Variants in NAALADL2 observed in about 807,000 individuals in gnomAD.
NAALADL2 encodes the protein inactive N-acetylated-alpha-linked acidic dipeptidase-like protein 2.
NAALADL2 carries 76 observed loss-of-function variants against 87.2 expected under a neutral mutation model. That is an observed-to-expected ratio of 0.87 (90% CI 0.72 to 1.05). The LOEUF (loss-of-function observed/expected upper bound fraction) is 1.05, where lower values mean the gene tolerates loss of function less well. NAALADL2 is among the 50% of genes least tolerant of loss of function. The probability of loss-of-function intolerance (pLI) is 0.00; values close to 1 mark genes in which losing one functional copy is unlikely to be tolerated. For synonymous variants in NAALADL2, 354 were observed against 331.0 expected (o/e 1.07, Z -0.75); for missense variants, 1,089 against 945.8 (o/e 1.15, Z -1.99).
chr3:175,390,319 T>C (rs1768924776), intron 5 of NAALADL2, among the ~76,000 whole-genome samples: 1 of 152,184 alleles, frequency 6.6e-6, no homozygotes, highest in South Asian at 2.1e-4. Flanking sequence ...AAATTACCTC[T>C]GGCCATTCTA....
chr3:175,628,613 C>CTATATATATA (rs1560878147), intron 11 of NAALADL2, among the ~76,000 whole-genome samples: 1 of 132,256 alleles, frequency 7.6e-6, no homozygotes, highest in African/African-American at 2.9e-5. Flanking sequence ...ATCTCTCTCT[C>CTATATATATA]TATGTATATA....
intron 2 of NAALADL2, among the ~76,000 whole-genome samples, chr3:175,205,017 G>T (rs865845291): frequency 2.0e-4 from 31 of 152,088 alleles, no homozygotes; most frequent in African/African-American, 7.0e-4. Flanking sequence ...TTGTAAAAAT[G>T]ATCATACTGC....
intron 5 of NAALADL2, among the ~76,000 whole-genome samples, chr3:175,444,500 T>C (rs1482634578): frequency 6.6e-6 from 1 of 152,186 alleles, no homozygotes; most frequent in Non-Finnish European, 1.5e-5. Flanking sequence ...GTTGTACAAC[T>C]ATTAGCATTC....
At chr3:175,454,888 C>T (rs1722097528) in intron 6 of NAALADL2, among the ~76,000 whole-genome samples, 1 of 151,532 alleles carries the variant, frequency 6.6e-6, no homozygotes, top group Admixed American at 6.6e-5. Context: ...AGGTTTGCAT[C>T]AAGAAAAAAA....
intron 10 of NAALADL2, among the ~76,000 whole-genome samples, chr3:175,591,706 C>T (rs1721472905): frequency 6.6e-6 from 1 of 150,560 alleles, no homozygotes; most frequent in African/African-American, 2.4e-5. Flanking sequence ...AACTGAGTGA[C>T]TCATTTAACA....
At chr3:174,441,514 C>A (rs550185300) in intron 1 of NAALADL2, among the ~76,000 whole-genome samples, 2 of 152,058 alleles carry the variant, frequency 1.3e-5, no homozygotes, top group African/African-American at 4.8e-5. Context: ...AAATGGCGCG[C>A]AGCACAGTTC....
chr3:174,567,108 G>C (rs1458040483), intron 2 of NAALADL2, among the ~76,000 whole-genome samples: 2 of 151,546 alleles, frequency 1.3e-5, no homozygotes, highest in African/African-American at 2.4e-5. Flanking sequence ...ATCCATATCA[G>C]GGAGAGGTTA....
intron 10 of NAALADL2, among the ~76,000 whole-genome samples, chr3:175,578,654 G>T (rs142318062): frequency 6.6e-6 from 1 of 152,150 alleles, no homozygotes; most frequent in African/African-American, 2.4e-5. Flanking sequence ...TTAATAAATG[G>T]CCAAGACAGA....
At chr3:174,909,177 T>A (rs1237757711) in intron 1 of NAALADL2, among the ~76,000 whole-genome samples, 1 of 152,022 alleles carries the variant, frequency 6.6e-6, no homozygotes, top group Non-Finnish European at 1.5e-5. Flanking sequence ...TCACCTCACC[T>A]GAGGTCAGGA....
chr3:175,763,564 GAACAGA>G (rs1451479687), intron 13 of NAALADL2, among the ~76,000 whole-genome samples: 3 of 152,070 alleles, frequency 2.0e-5, no homozygotes, highest in African/African-American at 7.2e-5. Flanking sequence ...GGACTAAACT[GAACAGA>G]AACAGAAAGA....
chr3:175,566,898 C>T lies in NAALADL2; in HGVS notation c.1654-9143C>T, dbSNP rs1190962578. On this transcript the variant is annotated intron_variant, in intron 9 of 13. Coordinates refer to ENST00000454872, the MANE Select transcript of NAALADL2 (RefSeq NM_207015.3). Reference sequence around the variant, plus strand: ...GTCATACAGAAAAGTTATAATTTTACGTAGTAGGACTAATTAATCTTTTTT... The same window carrying T: ...GTCATACAGAAAAGTTATAATTTTATGTAGTAGGACTAATTAATCTTTTTT... Among the ~76,000 whole-genome samples the T allele has an allele frequency of 6.6e-5, 10 of 152,120 alleles. No individual in the cohort carries two copies. The East Asian group carries it at 1.4e-3, about 21-fold the overall frequency.
At chr3:175,258,324 CAAAA>C (rs1287997792) in intron 4 of NAALADL2, among the ~76,000 whole-genome samples, 7 of 100,700 alleles carry the variant, frequency 7.0e-5, no homozygotes, top group African/African-American at 1.4e-4. Context: ...CCCCCACCAC[CAAAA>C]AAAAAAAAAA....
intron 1 of NAALADL2, among the ~76,000 whole-genome samples, chr3:174,890,001 G>A (rs954223004): frequency 4.6e-5 from 7 of 152,100 alleles, no homozygotes; most frequent in African/African-American, 9.7e-5. Flanking sequence ...AGAGAAGTTC[G>A]CTGTAGTACG....
chr3:174,490,168 T>A (rs1718094980), intron 1 of NAALADL2, among the ~76,000 whole-genome samples: 1 of 152,060 alleles, frequency 6.6e-6, no homozygotes, highest in African/African-American at 2.4e-5. Flanking sequence ...CATCAACTGA[T>A]GAATGCAAGG....
At chr3:175,026,176 A>G (rs1041945291) in intron 1 of NAALADL2, among the ~76,000 whole-genome samples, 20 of 152,144 alleles carry the variant, frequency 1.3e-4, no homozygotes, top group African/African-American at 3.4e-4. Context: ...GTACTAAAGA[A>G]GTGCTAGATT....
chr3:175,527,760 T>A (rs1733603573), intron 9 of NAALADL2, among the ~76,000 whole-genome samples: 2 of 152,214 alleles, frequency 1.3e-5, no homozygotes, highest in Non-Finnish European at 2.9e-5. Flanking sequence ...ATATTATGCT[T>A]CTAATAGATT....
intron 5 of NAALADL2, among the ~76,000 whole-genome samples, chr3:175,434,761 T>C (rs760343349): frequency 2.0e-5 from 3 of 152,022 alleles, no homozygotes; most frequent in African/African-American, 7.2e-5. Context: ...AAGTAAGAGA[T>C]GGAAAGCTTC....
chr3:175,740,682 C>A lies in NAALADL2; in HGVS notation c.1990+3283C>A, dbSNP rs116714226. Among the ~76,000 whole-genome samples the A allele has an allele frequency of 1.5e-4, 23 of 152,272 alleles. No homozygotes were observed. In the South Asian group the frequency reaches 4.6e-3, roughly 30 times the overall value. ...TTTATCACAAACCCTTATAGCAGAG[C>A]GCATCTCCCCATGATCTTTTTTATC... On this transcript the variant is annotated intron_variant, in intron 12 of 13. Coordinates refer to ENST00000454872, the MANE Select transcript of NAALADL2 (RefSeq NM_207015.3).
intron 13 of NAALADL2, among the ~76,000 whole-genome samples, chr3:175,783,524 AATGC>A (rs1751456153): frequency 6.6e-6 from 1 of 151,602 alleles, no homozygotes; most frequent in Non-Finnish European, 1.5e-5. Context: ...GGTGTATAAG[AATGC>A]TTGTGATTTT....
Sources: gnomAD v4.1 joint callset for allele counts (sites outside exome capture counted in the v4.1 genomes callset) on GRCh38, gnomAD v4.1.1 for gene constraint, MANE v1.5 for transcripts, NCBI Gene and HGNC (gene_info 2026-07-23, HGNC 2026-07-21) for gene names.